ARX: variants seen among roughly 807,000 people sequenced by gnomAD.
The protein encoded by ARX is homeobox protein ARX.
In ARX, 1 loss-of-function variant was observed where a neutral mutation model predicts 23.1. That is an observed-to-expected ratio of 0.04 (90% confidence interval 0.02 to 0.21). The LOEUF is 0.21. ARX is among the 10% of genes least tolerant of loss of function. The pLI is 1.00. For missense variants in ARX, 380 were observed against 527.5 expected (o/e 0.72, Z 2.74); for synonymous variants, 301 against 270.1 (o/e 1.11, Z -1.12).
rs1014624198 is a variant in ARX, at chrX:25,012,839, G to C, written c.1073+83C>G. On this transcript the variant is annotated intron_variant, in intron 2 of 4. Transcript: ENST00000379044. ...GGAGCCAAGCGTCCGCCCCGAGGCCGGGGCCCCTGCCAGCCCGCTGTCCCT... is the reference window on the plus strand; with the variant it reads ...GGAGCCAAGCGTCCGCCCCGAGGCCCGGGCCCCTGCCAGCCCGCTGTCCCT... 3.2e-5 allele frequency: 37 copies of C among 1,162,441 alleles called. No homozygotes were observed. In the East Asian group the frequency reaches 1.0e-3, roughly 32 times the overall value.
intron 3 of ARX, 86 bp downstream of exon 3, chrX:25,010,174 G>T: frequency 1.2e-5 from 3 of 240,043 alleles, no homozygotes; most frequent in Admixed American, 9.2e-5. Context: ...CTCACCCCCC[G>T]CACCCCCCCG....
At chrX:25,009,547 C>T (rs952154185) in intron 3 of ARX, among the ~76,000 whole-genome samples, 4 of 111,753 alleles carry the variant, frequency 3.6e-5, no homozygotes, top group African/African-American at 6.5e-5. Flanking sequence ...TCACTCAGCT[C>T]CTAACTCGGG....
chrX:25,011,564 G>A (rs965844256), intron 2 of ARX, among the ~76,000 whole-genome samples: 8 of 113,308 alleles, frequency 7.1e-5, no homozygotes, highest in Non-Finnish European at 1.1e-4. Flanking sequence ...GCACACATAG[G>A]TTTTCAAACT....
At chrX:25,010,731 C>A (rs1257572799) in intron 2 of ARX, among the ~76,000 whole-genome samples, 1 of 111,007 alleles carries the variant, frequency 9.0e-6, no homozygotes, top group Non-Finnish European at 1.9e-5. Flanking sequence ...AAATATTTTT[C>A]TGTCCTCTTG....
At position 25,007,351 on chromosome X, in the gene ARX, G is replaced by T; in HGVS notation, c.1208C>A (p.Pro403Gln). ...THPPGLPFPG[P>Q]LSATHPLSPY... ...GCTGAGCGGGTGGGTGGCGGAGAGC[G>T]GCCCCGGGAAGGGCAGCCCAGGGGG... Residue 403 changes from proline to glutamine, a missense_variant, in exon 4 of 5, where the codon CCG becomes CAG. By Grantham distance (76) the Pro-to-Gln change is moderately conservative. Around this residue, in one of 3 missense-constraint regions of ARX, gnomAD observed 121 missense variants for 169.7 expected, o/e 0.71. Transcript: ENST00000379044. The T allele has an allele frequency of 8.7e-7, 1 of 1,145,604 alleles. No homozygotes were observed. Among genetic ancestry groups the T allele is most frequent in the Non-Finnish European group, 1.2e-6 (1 of 867,965 alleles). 94.4% of individuals were successfully genotyped at this position (1,145,604 alleles called of 1,213,427 possible).
chrX:25,005,220 G>T (rs1423911741), intron 4 of ARX, among the ~76,000 whole-genome samples: 2 of 112,566 alleles, frequency 1.8e-5, no homozygotes, highest in Admixed American at 1.9e-4. Flanking sequence ...CGTGGATTCG[G>T]TGGTTTCGCT....
In ARX at chrX:25,004,871, G is replaced by C; in HGVS notation, c.1488C>G (p.Thr496=). The change falls in exon 5 of 5, where the codon ACC becomes ACG. Residue 496 remains threonine, a synonymous_variant. Transcript: ENST00000379044. ...STMAPLTSAS[T]AAALLRQPTP... ...TGGGCTGTCTCAGGAGCGCGGCCGC[G>C]GTCGACGCGCTGGTCAGGGGGGCCA... 3 of 1,148,835 alleles carry C rather than the reference G, an allele frequency of 2.6e-6. No individual in the cohort carries two copies. The highest frequency in any genetic ancestry group is 3.2e-5 in the East Asian group (1 of 31,708). The allele number at this position is 1,148,835 out of a possible 1,213,427, so 94.7% of individuals were successfully genotyped here.
chrX:25,009,509 C>T (rs1297740358), intron 3 of ARX, among the ~76,000 whole-genome samples: 3 of 111,399 alleles, frequency 2.7e-5, no homozygotes, highest in South Asian at 3.8e-4. Context: ...TGTGCTTTAT[C>T]AGCGCTTGAT....
intron 3 of ARX, among the ~76,000 whole-genome samples, chrX:25,007,744 C>A (rs776260660): frequency 8.9e-6 from 1 of 111,823 alleles, no homozygotes; most frequent in Non-Finnish European, 1.9e-5. Flanking sequence ...TTGGGGAAAC[C>A]AAAGTTTAAA....
intron 2 of ARX, 84 bp from the exon 3 acceptor site, chrX:25,010,389 T>C: frequency 9.1e-7 from 1 of 1,101,013 alleles, no homozygotes; most frequent in Non-Finnish European, 1.2e-6. Flanking sequence ...ATGGCAGGCC[T>C]ACTCCACCAG....
rs1281719660 is a variant in ARX, at chrX:25,015,900, C to G, written c.-163G>C. 10 of 585,823 alleles carry G rather than the reference C, an allele frequency of 1.7e-5. No homozygotes were observed. The highest frequency in any genetic ancestry group is 1.6e-4 in the African/African-American group (7 of 44,514). 48.3% of individuals were successfully genotyped at this position (585,823 alleles called of 1,213,427 possible). On this transcript the variant is annotated 5_prime_UTR_variant, in exon 1 of 5. Transcript: ENST00000379044. ...GCCTCCCTTGGTTGCCGGCTGCCGG[C>G]TCCCGCCCTGCCCGCGGCCCGAGCT...
intron 2 of ARX, among the ~76,000 whole-genome samples, chrX:25,011,099 T>A (rs1443970411): frequency 1.8e-5 from 2 of 112,038 alleles, no homozygotes; most frequent in African/African-American, 6.5e-5. Flanking sequence ...TACAACCTGT[T>A]TACCGAAAAT....
In ARX at chrX:25,007,274, C is replaced by A. The variant is rs1489958192; in HGVS notation, c.1285G>T (p.Ala429Ser). The change falls in exon 4 of 5, where the codon GCT becomes TCT. Residue 429 changes from alanine to serine, a missense_variant. By Grantham distance (99) the Ala-to-Ser change is moderately conservative. Coordinates refer to ENST00000379044, the MANE Select transcript of ARX (RefSeq NM_139058.3). The part of the protein sequence containing the change: ...FPPHHPALDS[A>S]WTAAAAAAAA... ...GCGGCGGCGGCAGCGGCAGTCCAAG[C>A]GGAGTCGAGCGCCGGGTGGTGCGGA... 1.8e-6 allele frequency: 2 copies of A among 1,116,096 alleles called. No homozygotes were observed. The highest frequency in any genetic ancestry group is 2.3e-6 in the Non-Finnish European group (2 of 855,072). 92.0% of individuals were successfully genotyped at this position (1,116,096 alleles called of 1,213,427 possible).
Position 25,013,590 on chromosome X carries a change from G to A in ARX, c.405C>T (p.Pro135=). ...CCCCTGCGCCGTCCGGCCGTTCCCC[G>A]GGCCGCGCGGTTGGCGGTGGCGGCG... ...APPPPPPTAR[P]GERPDGAGAA... Residue 135 remains proline, a synonymous_variant, in exon 2 of 5, where the codon CCC becomes CCT. Transcript: ENST00000379044. The A allele has an allele frequency of 1.3e-6, 1 of 752,794 alleles. No individual in the cohort carries two copies. Among genetic ancestry groups the A allele is most frequent in the Non-Finnish European group, 1.6e-6 (1 of 639,963 alleles). The allele number at this position is 752,794 out of a possible 1,213,427, so 62.0% of individuals were successfully genotyped here. A position where few individuals can be genotyped will look rare whatever the true frequency, so the allele number is the denominator to read the frequency against.
intron 2 of ARX, among the ~76,000 whole-genome samples, chrX:25,010,864 G>T (rs1164773030): frequency 9.2e-6 from 1 of 108,983 alleles, no homozygotes; most frequent in Non-Finnish European, 1.9e-5. Context: ...ATCCCCTTGG[G>T]TCACACTCCC....
chrX:25,008,003 G>A (rs2048686146), intron 3 of ARX, among the ~76,000 whole-genome samples: 1 of 111,894 alleles, frequency 8.9e-6, no homozygotes, highest in South Asian at 3.9e-4. Context: ...ATTTACGCAA[G>A]AGCTGGCAAA....
Position 25,007,153 on chromosome X carries a change from G to A in ARX, c.1406C>T (p.Ala469Val), listed in dbSNP as rs2147320337. Reference protein sequence around the residue: ...PLGLSTFLGAAVFRHPAFISP... With the variant: ...PLGLSTFLGAVVFRHPAFISP... The stretch of plus-strand genomic sequence containing the variant: ...GATGAAAGCTGGGTGTCGGAACACT[G>A]CCGCTCCGAGGAAAGTGCTCAGGCC... Residue 469 changes from alanine to valine, a missense_variant, in exon 4 of 5, where the codon GCA (alanine) becomes GTA (valine). By Grantham distance (64) the Ala-to-Val change is moderately conservative. Transcript: ENST00000379044. The A allele has an allele frequency of 8.3e-7, 1 of 1,201,518 alleles. No individual in the cohort carries two copies. The highest frequency in any genetic ancestry group is 1.1e-6 in the Non-Finnish European group (1 of 891,156).
At chrX:25,005,496 C>T (rs1479291752) in intron 4 of ARX, among the ~76,000 whole-genome samples, 4 of 112,691 alleles carry the variant, frequency 3.5e-5, no homozygotes, top group Non-Finnish European at 5.6e-5. Context: ...ACCCGCGCCG[C>T]CGCGGCCGCC....
In ARX at chrX:25,004,619, G is replaced by A; in HGVS notation, c.*51C>T. On this transcript the variant is annotated 3_prime_UTR_variant, in exon 5 of 5. Coordinates refer to ENST00000379044, the MANE Select transcript of ARX (RefSeq NM_139058.3). ...TCCATTTGGTCTTGAGTGGTGCTGA[G>A]TGAGGTGACCTTTCGGGGCGCGCGC... The A allele has an allele frequency of 2.6e-6, 3 of 1,162,696 alleles. No homozygotes were observed. Among genetic ancestry groups the A allele is most frequent in the Non-Finnish European group, 3.4e-6 (3 of 872,279 alleles).
Sources: allele counts gnomAD v4.1 joint callset (sites outside exome capture counted in the v4.1 genomes callset), GRCh38; gene constraint gnomAD v4.1.1; regional missense constraint gnomAD v4.1.1; transcripts MANE v1.5; gene names NCBI Gene and HGNC (gene_info 2026-07-23, HGNC 2026-07-21).